Variants in PIGN observed in about 807,000 individuals in gnomAD.
PIGN encodes the protein phosphatidylinositol glycan anchor biosynthesis class N.
PIGN carries 117 observed loss-of-function variants against 125.4 expected under a neutral mutation model. The observed-to-expected ratio is 0.93, with a 90% CI of 0.80 to 1.09. The LOEUF is 1.09. PIGN is among the 50% of genes least tolerant of loss of function. PIGN has a pLI of 0.00. For missense variants in PIGN, 1,075 were observed against 1,094.9 expected (o/e 0.98, Z 0.26); for synonymous variants, 392 against 377.8 (o/e 1.04, Z -0.44).
chr18:62,080,266 T>C (rs1282842359), intron 28 of PIGN, among the ~76,000 whole-genome samples: 2 of 152,230 alleles, frequency 1.3e-5, no homozygotes, highest in South Asian at 2.1e-4. Context: ...TGAATACTTC[T>C]GTAATACTAA....
intron 22 of PIGN, among the ~76,000 whole-genome samples, chr18:62,098,449 A>T (rs2034300485): frequency 6.6e-6 from 1 of 152,192 alleles, no homozygotes; most frequent in African/African-American, 2.4e-5. Context: ...TAAAAAGCAA[A>T]TAATAAAAGT....
intron 1 of PIGN, among the ~76,000 whole-genome samples, chr18:62,170,201 T>C (rs947181623): frequency 6.6e-6 from 1 of 152,218 alleles, no homozygotes; most frequent in Non-Finnish European, 1.5e-5. Context: ...ATTGTGTTCT[T>C]GTCACAGAAC....
intron 30 of PIGN, among the ~76,000 whole-genome samples, chr18:62,063,283 T>TAGATTTTATCCAAAATCTATGGTTTTAC (rs2032302246): frequency 5.5e-5 from 8 of 146,312 alleles, no homozygotes; most frequent in South Asian, 2.2e-4. Context: ...TATGGTTTTA[T>TAGATTTTATCCAAAATCTATGGTTTTAC]AGATTTTAGC....
intron 30 of PIGN, among the ~76,000 whole-genome samples, chr18:62,062,090 A>G (rs749784168): frequency 2.6e-5 from 4 of 152,192 alleles, no homozygotes; most frequent in Non-Finnish European, 4.4e-5. Context: ...CTAACTTAGC[A>G]ATAAGAAAAA....
At position 62,072,723 on chromosome 18, in the gene PIGN, A is replaced by G. The variant is rs1305123806; in HGVS notation, c.2622T>C (p.His874=). The stretch of plus-strand genomic sequence containing the variant: ...CATAATCCTTGACCAAGAAGAAAAA[A>G]TGCTGTAAAAAAAAAAAAAGGCTTA... ...VLVISDIMAL[H]FFFLVKDYGS... is the part of the protein sequence containing the mutation. The change falls in exon 30 of 31, where the codon CAT becomes CAC. Residue 874 remains histidine, a splice_region_variant and synonymous_variant. Transcript: ENST00000640252. 6.4e-7 allele frequency: 1 copy of G among 1,558,854 alleles called. No individual in the cohort carries two copies. The highest frequency in any genetic ancestry group is 8.6e-7 in the Non-Finnish European group (1 of 1,157,268).
intron 7 of PIGN, 86 bp downstream of exon 7, chr18:62,154,459 T>C (rs1281926287): frequency 2.8e-6 from 2 of 727,268 alleles, no homozygotes; most frequent in African/African-American, 3.7e-5. Context: ...TCAAAGCTCA[T>C]GAAAACAGAA....
chr18:62,180,355 G>C (rs1187460064), intron 1 of PIGN, among the ~76,000 whole-genome samples: 1 of 151,950 alleles, frequency 6.6e-6, no homozygotes, highest in Non-Finnish European at 1.5e-5. Flanking sequence ...TTATTCTATG[G>C]ACCAATAAGA....
intron 30 of PIGN, among the ~76,000 whole-genome samples, chr18:62,065,211 T>C (rs963854042): frequency 6.6e-6 from 1 of 152,202 alleles, no homozygotes; most frequent in East Asian, 1.9e-4. Flanking sequence ...CTCCCCTCCT[T>C]TCCTTTTTTT....
intron 30 of PIGN, among the ~76,000 whole-genome samples, chr18:62,063,559 C>T (rs2032326447): frequency 6.6e-6 from 1 of 150,992 alleles, no homozygotes; most frequent in Non-Finnish European, 1.5e-5. Context: ...GGCTTTTTAC[C>T]TCTATGGCTT....
Position 62,046,479 on chromosome 18 carries a change from G to A in PIGN, c.2673-500C>T, listed in dbSNP as rs558212184. Among the ~76,000 whole-genome samples the A allele has an allele frequency of 1.3e-4, 20 of 151,740 alleles. 1 individual carries two copies. The highest frequency in any genetic ancestry group is 4.6e-4 in the African/African-American group (19 of 41,378). On this transcript the variant is annotated intron_variant, in intron 30 of 30. Coordinates refer to ENST00000640252, the MANE Select transcript of PIGN (RefSeq NM_176787.5). ...ACCCTGTCGTGAACTGTGCTTGCAAGGGATCTAGGTTGTGCACTTCTTATG... is the reference window on the plus strand; with the variant it reads ...ACCCTGTCGTGAACTGTGCTTGCAAAGGATCTAGGTTGTGCACTTCTTATG...
intron 19 of PIGN, 101 bp downstream of exon 19, chr18:62,106,688 C>T: frequency 1.3e-6 from 1 of 741,140 alleles, no homozygotes. Context: ...TGTAAGAACA[C>T]ATTCTACCCT....
chr18:62,045,491 A>T lies in PIGN; in HGVS notation c.*365T>A, dbSNP rs987367157. The T allele has an allele frequency of 6.1e-6, 1 of 164,912 alleles. No homozygotes were observed. The highest frequency in any genetic ancestry group is 6.0e-5 in the Admixed American group (1 of 16,556). The allele number at this position is 164,912 out of a possible 1,614,324, so 10.2% of individuals were successfully genotyped here. On this transcript the variant is annotated 3_prime_UTR_variant, in exon 31 of 31. Transcript: ENST00000640252. ...AGCAATGACTCTGGATGCCATCAGC[A>T]CTGCCCCCACAGGCATATGCTCTCC...
At chr18:62,086,986 G>A (rs2033737118) in intron 25 of PIGN, among the ~76,000 whole-genome samples, 1 of 152,154 alleles carries the variant, frequency 6.6e-6, no homozygotes, top group Admixed American at 6.6e-5. Context: ...AGGAGTGGCA[G>A]TTGTTAGTCA....
chr18:62,068,131 G>A (rs1414102285), intron 30 of PIGN, among the ~76,000 whole-genome samples: 1 of 152,056 alleles, frequency 6.6e-6, no homozygotes, highest in African/African-American at 2.4e-5. Flanking sequence ...TGTCTCTTTA[G>A]AGGTGTCTTC....
intron 1 of PIGN, among the ~76,000 whole-genome samples, chr18:62,185,874 T>C (rs2037937891): frequency 6.6e-6 from 1 of 152,174 alleles, no homozygotes; most frequent in African/African-American, 2.4e-5. Flanking sequence ...ATCAAAAAAA[T>C]CAAAACTCTC....
intron 25 of PIGN, among the ~76,000 whole-genome samples, chr18:62,086,129 A>T (rs922933912): frequency 3.9e-5 from 6 of 152,238 alleles, no homozygotes; most frequent in African/African-American, 9.6e-5. Flanking sequence ...TAAATAAAAT[A>T]GTCTCAAAAT....
At chr18:62,134,891 G>GT (rs1041357241) in intron 14 of PIGN, among the ~76,000 whole-genome samples, 25 of 151,794 alleles carry the variant, frequency 1.6e-4, no homozygotes, top group African/African-American at 4.6e-4. Flanking sequence ...GATTGTCATT[G>GT]TTTTTTTTGA....
chr18:62,049,712 C>A (rs1326002992), intron 30 of PIGN, among the ~76,000 whole-genome samples: 1 of 151,062 alleles, frequency 6.6e-6, no homozygotes, highest in Non-Finnish European at 1.5e-5. Context: ...AATTAGATCC[C>A]ATTTGTCAAT....
chr18:62,034,003 C>T (rs895716146), intron 23 of PIGN, among the ~76,000 whole-genome samples: 3 of 152,108 alleles, frequency 2.0e-5, no homozygotes, highest in Non-Finnish European at 4.4e-5. Flanking sequence ...AGAAGCAGAG[C>T]CCAGATGGGT....
Sources: allele counts gnomAD v4.1 joint callset (sites outside exome capture counted in the v4.1 genomes callset), GRCh38; gene constraint gnomAD v4.1.1; transcripts MANE v1.5; gene names NCBI Gene and HGNC (gene_info 2026-07-23, HGNC 2026-07-21).